ASCC3: variants seen among roughly 807,000 people sequenced by gnomAD.
ASCC3 encodes activating signal cointegrator 1 complex subunit 3.
In ASCC3, 158 loss-of-function variants were observed where a neutral mutation model predicts 256.3. That is an observed-to-expected ratio of 0.62 (90% CI 0.54 to 0.70). The LOEUF (loss-of-function observed/expected upper bound fraction) is 0.70, where lower values mean the gene tolerates loss of function less well. ASCC3 is among the 30% of genes least tolerant of loss of function. The pLI, the probability that ASCC3 is intolerant of heterozygous loss-of-function variation, is 0.00. For missense variants in ASCC3, 2,259 were observed against 2,626.0 expected (o/e 0.86, Z 3.05); for synonymous variants, 948 against 883.4 (o/e 1.07, Z -1.30).
chr6:100,835,911 T>C (rs763173233), intron 4 of ASCC3, among the ~76,000 whole-genome samples: 24 of 152,148 alleles, frequency 1.6e-4, no homozygotes, highest in Admixed American at 1.2e-3. Context: ...ATCTGCATCT[T>C]CTTCAATTTA....
intron 3 of ASCC3, among the ~76,000 whole-genome samples, chr6:100,849,115 A>G (rs893147948): frequency 2.0e-5 from 3 of 152,166 alleles, no homozygotes; most frequent in African/African-American, 7.2e-5. Flanking sequence ...AAAAACAACA[A>G]AAACATAACA....
In ASCC3 at chr6:100,627,883, C is replaced by T. The variant is rs745749070; in HGVS notation, c.4480G>A (p.Ala1494Thr). The T allele has an allele frequency of 8.7e-6, 14 of 1,613,532 alleles. No individual in the cohort carries two copies. The highest frequency in any genetic ancestry group is 3.3e-5 in the Admixed American group (2 of 59,884). The change falls in exon 28 of 42, where the codon GCT becomes ACT. Residue 1494 changes from alanine to threonine, a missense_variant. Around this residue, in one of 2 missense-constraint regions of ASCC3, gnomAD observed 1,839 missense variants for 2,206.7 expected, o/e 0.83. Transcript: ENST00000369162. ...CAATCAGCAAGGTCTCTGGCATTAG[C>T]TAATGCAGTAGATAGTCCAACTATT... ...VRIVGLSTAL[A>T]NARDLADWLN...
chr6:100,550,497 T>C (rs565456760), intron 36 of ASCC3, among the ~76,000 whole-genome samples: 89 of 152,092 alleles, frequency 5.9e-4, no homozygotes, highest in Admixed American at 4.8e-3. Context: ...GCCTTGTAAA[T>C]GTAAGCAAAC....
At chr6:100,740,692 GT>G (rs1780394234) in intron 10 of ASCC3, among the ~76,000 whole-genome samples, 1 of 151,964 alleles carries the variant, frequency 6.6e-6, no homozygotes, top group African/African-American at 2.4e-5. Context: ...TTTTATCTTT[GT>G]TGGTTTAAAA....
intron 1 of ASCC3, among the ~76,000 whole-genome samples, chr6:100,877,512 G>A (rs1252443517): frequency 6.6e-6 from 1 of 152,014 alleles, no homozygotes; most frequent in Non-Finnish European, 1.5e-5. Context: ...AACCATCGTC[G>A]ACACATATTT....
intron 14 of ASCC3, among the ~76,000 whole-genome samples, chr6:100,675,629 A>G (rs763593859): frequency 1.3e-5 from 2 of 152,196 alleles, no homozygotes; most frequent in African/African-American, 4.8e-5. Context: ...GAGGATACGT[A>G]TTACTATTGG....
At chr6:100,873,018 A>G (rs1773824707) in intron 1 of ASCC3, among the ~76,000 whole-genome samples, 1 of 152,156 alleles carries the variant, frequency 6.6e-6, no homozygotes, top group Non-Finnish European at 1.5e-5. Flanking sequence ...GCTCACCAAC[A>G]ATGGATCCAA....
In ASCC3 at chr6:100,683,623, A is replaced by T. The variant is rs542379523; in HGVS notation, c.2152-3871T>A. Among the ~76,000 whole-genome samples the T allele has an allele frequency of 2.0e-5, 3 of 152,234 alleles. No homozygotes were observed. The East Asian group carries it at 5.8e-4, about 29-fold the overall frequency. On this transcript the variant is annotated intron_variant, in intron 13 of 41. Coordinates refer to ENST00000369162, the MANE Select transcript of ASCC3 (RefSeq NM_006828.4). ...ATAGGACAGCATTGTTTCATTTGAC[A>T]GAAATAACTCCAAATTAATATTAGA...
At chr6:100,740,703 A>G (rs1385616735) in intron 10 of ASCC3, among the ~76,000 whole-genome samples, 1 of 152,118 alleles carries the variant, frequency 6.6e-6, no homozygotes, top group African/African-American at 2.4e-5. Flanking sequence ...TTGGTTTAAA[A>G]TCTGCATTGT....
At chr6:100,601,789 T>A in intron 34 of ASCC3, 21 bp downstream of exon 34, 3 of 1,611,252 alleles carry the variant, frequency 1.9e-6, no homozygotes, top group Non-Finnish European at 2.5e-6. Context: ...CAGAAAGGTA[T>A]ATAACTGCCC....
intron 30 of ASCC3, among the ~76,000 whole-genome samples, chr6:100,608,827 G>A (rs1773236761): frequency 7.9e-6 from 1 of 126,358 alleles, no homozygotes; most frequent in African/African-American, 3.0e-5. Flanking sequence ...GCAGTGGCGT[G>A]ATCTCGGCTC....
rs887071008 is a variant in ASCC3, at chr6:100,604,985, G to C, written c.5177+583C>G. On this transcript the variant is annotated intron_variant, in intron 33 of 41. Transcript: ENST00000369162. ...AGCTGAGAATACAAGAGAAGACTTT[G>C]AGAAAGGGGTAGTGGTTACTGGGTC... Among the ~76,000 whole-genome samples the C allele has an allele frequency of 3.9e-5, 6 of 152,056 alleles. No homozygotes were observed. The South Asian group carries it at 6.2e-4, about 16-fold the overall frequency.
intron 4 of ASCC3, among the ~76,000 whole-genome samples, chr6:100,844,380 G>T (rs1207970141): frequency 6.6e-6 from 1 of 151,584 alleles, no homozygotes; most frequent in Admixed American, 6.6e-5. Context: ...CTTAAAACCT[G>T]GTAGCTTTAC....
chr6:100,756,125 T>C (rs1389689907), intron 10 of ASCC3, among the ~76,000 whole-genome samples: 1 of 151,928 alleles, frequency 6.6e-6, no homozygotes, highest in Non-Finnish European at 1.5e-5. Context: ...AAAAAACCAC[T>C]AGTGATTTAA....
chr6:100,532,402 ATATATTT>A (rs1195431589), intron 37 of ASCC3, among the ~76,000 whole-genome samples: 5,910 of 61,226 alleles, frequency 0.097, 137 homozygotes, highest in East Asian at 0.13. Context: ...ATATATATAT[ATATATTT>A]TTTTTTTTTT....
At chr6:100,846,630 A>G (rs1287086673) in intron 4 of ASCC3, among the ~76,000 whole-genome samples, 1 of 152,178 alleles carries the variant, frequency 6.6e-6, no homozygotes, top group Non-Finnish European at 1.5e-5. Flanking sequence ...TGCATCTTGC[A>G]TGCTTGCTGT....
intron 37 of ASCC3, among the ~76,000 whole-genome samples, chr6:100,532,396 ATATATATATATT>A (rs1562098476): frequency 6.6e-4 from 28 of 42,742 alleles, no homozygotes; most frequent in South Asian, 2.6e-3. Context: ...ATATATATAT[ATATATATATATT>A]TTTTTTTTTT....
At chr6:100,818,568 C>CA (rs529493065) in intron 4 of ASCC3, among the ~76,000 whole-genome samples, 56,008 of 102,854 alleles carry the variant, frequency 0.54, 13,657 homozygotes, top group Middle Eastern at 0.62. Context: ...GACTCCGTCT[C>CA]AAAAAAAAAA....
intron 36 of ASCC3, among the ~76,000 whole-genome samples, chr6:100,557,120 G>C (rs545366371): frequency 6.6e-6 from 1 of 152,212 alleles, no homozygotes; most frequent in East Asian, 1.9e-4. Context: ...AGCAGACTAA[G>C]TTTTGTTGAC....
Sources: allele counts gnomAD v4.1 joint callset (sites outside exome capture counted in the v4.1 genomes callset), GRCh38; gene constraint gnomAD v4.1.1; regional missense constraint gnomAD v4.1.1; transcripts MANE v1.5; gene names NCBI Gene and HGNC (gene_info 2026-07-23, HGNC 2026-07-21).